SLC14A2: variants seen among roughly 807,000 people sequenced by gnomAD.
The protein encoded by SLC14A2 is urea transporter 2.
SLC14A2 carries 91 observed loss-of-function variants against 104.6 expected under a neutral mutation model. That is an observed-to-expected ratio of 0.87 (90% CI 0.73 to 1.04). The LOEUF (loss-of-function observed/expected upper bound fraction) is 1.04. SLC14A2 is among the 50% of genes least tolerant of loss of function. The pLI, the probability that SLC14A2 is intolerant of heterozygous loss-of-function variation, is 0.00. For synonymous variants in SLC14A2, 476 were observed against 466.4 expected (o/e 1.02, Z -0.27); for missense variants, 1,189 against 1,156.0 (o/e 1.03, Z -0.41).
At chr18:45,305,750 A>G (rs890661017) in intron 1 of SLC14A2, among the ~76,000 whole-genome samples, 9 of 152,180 alleles carry the variant, frequency 5.9e-5, no homozygotes, top group Non-Finnish European at 1.0e-4. Context: ...TTGTTCGGAA[A>G]CCATAAAACT....
intron 2 of SLC14A2, among the ~76,000 whole-genome samples, chr18:45,499,567 C>A (rs980107318): frequency 6.6e-6 from 1 of 152,150 alleles, no homozygotes; most frequent in Non-Finnish European, 1.5e-5. Flanking sequence ...CTTTGCCTTG[C>A]GGGATTGTTG....
intron 1 of SLC14A2, among the ~76,000 whole-genome samples, chr18:45,287,669 C>A (rs948810268): frequency 2.0e-5 from 3 of 152,238 alleles, no homozygotes; most frequent in African/African-American, 7.2e-5. Context: ...CATCCTCCTG[C>A]CTGCCTACCT....
intron 1 of SLC14A2, among the ~76,000 whole-genome samples, chr18:45,366,792 A>G (rs2247593): frequency 0.31 from 46,833 of 152,126 alleles, 7,585 homozygotes; most frequent in African/African-American, 0.4. Context: ...ACTTATTGAT[A>G]CAAAAGCATT....
chr18:45,434,973 A>G (rs1246370118), intron 1 of SLC14A2, among the ~76,000 whole-genome samples: 8 of 152,194 alleles, frequency 5.3e-5, no homozygotes, highest in African/African-American at 1.9e-4. Context: ...TGGTATTTGA[A>G]TAATAATCTC....
intron 2 of SLC14A2, among the ~76,000 whole-genome samples, chr18:45,583,377 C>T (rs1222023443): frequency 6.6e-6 from 1 of 152,190 alleles, no homozygotes; most frequent in Non-Finnish European, 1.5e-5. Flanking sequence ...CCAAGCACTA[C>T]AGTCTGTCCT....
At chr18:45,472,201 A>C (rs960138349) in intron 1 of SLC14A2, among the ~76,000 whole-genome samples, 1 of 147,084 alleles carries the variant, frequency 6.8e-6, no homozygotes, top group Non-Finnish European at 1.5e-5. Flanking sequence ...CGCAAGGAAC[A>C]TGAACTCATT....
intron 1 of SLC14A2, among the ~76,000 whole-genome samples, chr18:45,263,467 A>G (rs2084560176): frequency 6.6e-6 from 1 of 152,158 alleles, no homozygotes; most frequent in Admixed American, 6.5e-5. Flanking sequence ...GATATCTTAG[A>G]GGAGATACTT....
chr18:45,232,745 T>A (rs951581557), intron 1 of SLC14A2, among the ~76,000 whole-genome samples: 21 of 152,350 alleles, frequency 1.4e-4, no homozygotes, highest in African/African-American at 5.1e-4. Context: ...TCACAAGGGC[T>A]TTAAGAGCTC....
chr18:45,573,862 C>T (rs1188241429), intron 2 of SLC14A2, among the ~76,000 whole-genome samples: 1 of 152,120 alleles, frequency 6.6e-6, no homozygotes, highest in Non-Finnish European at 1.5e-5. Flanking sequence ...AAATCTACAA[C>T]TGGGAAAATT....
In SLC14A2 at chr18:45,226,800, TTAAATAA is replaced by T. The variant is rs546670937; in HGVS notation, c.-125+13613_-125+13619del. On this transcript the variant is annotated intron_variant, in intron 1 of 20. Transcript: ENST00000586448. Reference sequence around the variant, plus strand: ...ATGTTGTGCACATGTACCCTAGAACTTAAATAATAATAATAATAAAATAATAGTTTTG... The same window carrying T: ...ATGTTGTGCACATGTACCCTAGAACTTAATAATAATAAAATAATAGTTTTG... Among the ~76,000 whole-genome samples the T allele has an allele frequency of 1.2e-3, 175 of 148,090 alleles. 1 individual carries two copies. Among genetic ancestry groups the T allele is most frequent in the African/African-American group, 4.2e-3 (170 of 40,114 alleles).
chr18:45,549,574 G>A (rs1352643326), intron 2 of SLC14A2, among the ~76,000 whole-genome samples: 1 of 152,194 alleles, frequency 6.6e-6, no homozygotes, highest in Non-Finnish European at 1.5e-5. Flanking sequence ...GTGGAGTGCA[G>A]GTAATTTATT....
At chr18:45,324,962 C>T (rs2085220561) in intron 1 of SLC14A2, among the ~76,000 whole-genome samples, 1 of 152,138 alleles carries the variant, frequency 6.6e-6, no homozygotes, top group Non-Finnish European at 1.5e-5. Flanking sequence ...TTCACTCCTC[C>T]CTGATGCATT....
chr18:45,239,134 A>G (rs2084285655), intron 1 of SLC14A2, among the ~76,000 whole-genome samples: 1 of 152,182 alleles, frequency 6.6e-6, no homozygotes, highest in Non-Finnish European at 1.5e-5. Flanking sequence ...CTGCTAGTGA[A>G]TCCACTCTTT....
chr18:45,536,572 C>T (rs1441994430), intron 2 of SLC14A2, among the ~76,000 whole-genome samples: 1 of 152,130 alleles, frequency 6.6e-6, no homozygotes, highest in Non-Finnish European at 1.5e-5. Context: ...CCATTCATGT[C>T]AGATTAAGAG....
Position 45,682,461 on chromosome 18 carries a change from A to G in SLC14A2, c.2705A>G (p.Gln902Arg). 4 of 1,614,198 alleles carry G rather than the reference A, an allele frequency of 2.5e-6. No individual in the cohort carries two copies. Among genetic ancestry groups the G allele is most frequent in the Non-Finnish European group, 3.4e-6 (4 of 1,180,024 alleles). Residue 902 changes from glutamine (Q) to arginine (R), a missense_variant, in exon 20 of 20, where the codon CAG (glutamine) becomes CGG (arginine). Coordinates refer to ENST00000255226, the MANE Select transcript of SLC14A2 (RefSeq NM_007163.4). Reference sequence around the variant, plus strand: ...GCCAACCGCATCTACTACCTGTCCCAGGAGAGAAACAGAAGGGCATCAATC... The same window carrying G: ...GCCAACCGCATCTACTACCTGTCCCGGGAGAGAAACAGAAGGGCATCAATC... ...PEANRIYYLS[Q>R]ERNRRASIIT...
chr18:45,339,379 AG>A (rs1331017366), intron 1 of SLC14A2, among the ~76,000 whole-genome samples: 1 of 152,224 alleles, frequency 6.6e-6, no homozygotes, highest in African/African-American at 2.4e-5. Flanking sequence ...TAATTAACAA[AG>A]CCACTGGTCA....
At chr18:45,426,564 G>T (rs200222292) in intron 1 of SLC14A2, among the ~76,000 whole-genome samples, 2 of 143,574 alleles carry the variant, frequency 1.4e-5, no homozygotes, top group Non-Finnish European at 3.1e-5. Context: ...GTGTGTGTGT[G>T]TATACACACA....
intron 1 of SLC14A2, among the ~76,000 whole-genome samples, chr18:45,435,583 A>G (rs1284353280): frequency 6.6e-6 from 1 of 152,152 alleles, no homozygotes; most frequent in Non-Finnish European, 1.5e-5. Flanking sequence ...TTATTTTTAC[A>G]CTAAGAATAA....
At chr18:45,311,333 C>T (rs1217773245) in intron 1 of SLC14A2, among the ~76,000 whole-genome samples, 2 of 152,202 alleles carry the variant, frequency 1.3e-5, no homozygotes, top group Admixed American at 6.5e-5. Context: ...ACTCTAAACA[C>T]ATAATCACAT....
Sources: gnomAD v4.1 joint callset for allele counts (sites outside exome capture counted in the v4.1 genomes callset) on GRCh38, gnomAD v4.1.1 for gene constraint, MANE v1.5 for transcripts, NCBI Gene and HGNC (gene_info 2026-07-23, HGNC 2026-07-21) for gene names.